Variants in C13orf42 observed in about 807,000 individuals in gnomAD.
C13orf42 encodes chromosome 13 open reading frame 42, also known as uncharacterized protein C13orf42.
chr13:51,123,112 G>A (rs1037130915), intron 1 of C13orf42, among the ~76,000 whole-genome samples: 5 of 152,098 alleles, frequency 3.3e-5, no homozygotes, highest in South Asian at 2.1e-4. Flanking sequence ...ATTAACCAAC[G>A]TACAAGGCAA....
intron 1 of C13orf42, among the ~76,000 whole-genome samples, chr13:51,140,445 G>T (rs1341082353): frequency 6.6e-6 from 1 of 152,068 alleles, no homozygotes; most frequent in South Asian, 2.1e-4. Flanking sequence ...GAATTTTCGG[G>T]GTTCATATTT....
At chr13:51,144,490 A>G (rs376973941) in intron 1 of C13orf42, among the ~76,000 whole-genome samples, 16 of 152,276 alleles carry the variant, frequency 1.1e-4, no homozygotes, top group Admixed American at 7.9e-4. Flanking sequence ...AATTATTTGC[A>G]TAAGTGCAAT....
In C13orf42 at chr13:51,136,391, G is replaced by C. The variant is rs572541950; in HGVS notation, n.137-23169C>G. On this transcript the variant is annotated intron_variant and non_coding_transcript_variant, in intron 1 of 4. Transcript: ENST00000433280. ...CAGAGAACCCCAGTGACTCTGACTC[G>C]TCTTTGTCAAGACAGAACCGTAAGG... Among the ~76,000 whole-genome samples, 114 of 152,272 alleles carry C rather than the reference G, an allele frequency of 7.5e-4. 1 individual carries two copies. The highest frequency in any genetic ancestry group is 1.1e-3 in the Non-Finnish European group (75 of 68,012).
chr13:51,111,569 G>T (rs1953434837), upstream of C13orf42, among the ~76,000 whole-genome samples: 2 of 152,208 alleles, frequency 1.3e-5, no homozygotes, highest in South Asian at 4.1e-4. Context: ...AGCTTTGCCT[G>T]CTCAGTTATT....
intron 1 of C13orf42, among the ~76,000 whole-genome samples, chr13:51,160,920 C>T (rs1402613590): frequency 7.4e-6 from 1 of 134,330 alleles, no homozygotes; most frequent in Non-Finnish European, 1.6e-5. Flanking sequence ...ATCCTGCCAG[C>T]ATAGTAAGAA....
intron 1 of C13orf42, among the ~76,000 whole-genome samples, chr13:51,149,303 G>A (rs1953761196): frequency 7.2e-6 from 1 of 139,524 alleles, no homozygotes. Context: ...GTGGCCAAAG[G>A]CTGAAATTGA....
intron 1 of C13orf42, among the ~76,000 whole-genome samples, chr13:51,135,462 G>A (rs1415005411): frequency 6.6e-6 from 1 of 151,982 alleles, no homozygotes; most frequent in Non-Finnish European, 1.5e-5. Context: ...ACCAGCCTGG[G>A]CAACACAGAG....
chr13:51,125,638 T>A (rs1203083738), intron 1 of C13orf42, among the ~76,000 whole-genome samples: 1 of 152,208 alleles, frequency 6.6e-6, no homozygotes, highest in Non-Finnish European at 1.5e-5. Flanking sequence ...CTCAGGTCAC[T>A]GTGGATGCCA....
upstream of C13orf42, among the ~76,000 whole-genome samples, chr13:51,112,452 T>C (rs542209887): frequency 3.3e-5 from 5 of 152,204 alleles, no homozygotes; most frequent in Non-Finnish European, 5.9e-5. Context: ...TTTAAATGTT[T>C]CTATCCTGCA....
intron 1 of C13orf42, among the ~76,000 whole-genome samples, chr13:51,126,164 C>T (rs1273026738): frequency 1.3e-5 from 2 of 152,222 alleles, no homozygotes; most frequent in Non-Finnish European, 2.9e-5. Context: ...GTTTAACATG[C>T]ATTGAGCACC....
At chr13:51,125,677 G>A (rs568627241) in intron 1 of C13orf42, among the ~76,000 whole-genome samples, 3 of 146,286 alleles carry the variant, frequency 2.1e-5, no homozygotes, top group Admixed American at 6.8e-5. Context: ...CAGTGTCTAC[G>A]AATCAACATC....
intron 1 of C13orf42, among the ~76,000 whole-genome samples, chr13:51,097,085 T>C (rs1051401568): frequency 3.9e-5 from 6 of 152,256 alleles, no homozygotes; most frequent in African/African-American, 1.2e-4. Flanking sequence ...GATCACTCTA[T>C]AGCAGTAAAT....
intron 1 of C13orf42, among the ~76,000 whole-genome samples, chr13:51,107,348 A>G (rs1175946045): frequency 6.6e-6 from 1 of 152,234 alleles, no homozygotes; most frequent in African/African-American, 2.4e-5. Context: ...AATGCTTTGG[A>G]AAACATCAGA....
At chr13:51,131,404 C>T (rs761168880) in intron 1 of C13orf42, among the ~76,000 whole-genome samples, 54 of 151,978 alleles carry the variant, frequency 3.6e-4, no homozygotes, top group Non-Finnish European at 6.3e-4. Flanking sequence ...CCAATAAAAG[C>T]CCCTTGGGAA....
chr13:51,156,891 T>A (rs1412468986), intron 1 of C13orf42, among the ~76,000 whole-genome samples: 1 of 152,226 alleles, frequency 6.6e-6, no homozygotes, highest in Admixed American at 6.5e-5. Flanking sequence ...TCCACGCAAT[T>A]GTTACCCAGT....
intron 1 of C13orf42, among the ~76,000 whole-genome samples, chr13:51,090,015 T>C (rs879293305): frequency 6.6e-6 from 1 of 151,872 alleles, no homozygotes; most frequent in Admixed American, 6.6e-5. Flanking sequence ...GGAGACGCTC[T>C]AGACTGGGTG....
chr13:51,086,304 T>TCAAAAAAAAAAACAAAAAAAAA lies in C13orf42; in HGVS notation c.563-767_563-746dup, dbSNP rs1389226366. Among the ~76,000 whole-genome samples the TCAAAAAAAAAAACAAAAAAAAA allele has an allele frequency of 5.5e-5, 6 of 108,508 alleles. No individual in the cohort carries two copies. The South Asian group carries it at 1.4e-3, about 24-fold the overall frequency. The allele number at this position is 108,508 out of a possible 152,430, so 71.2% of individuals were successfully genotyped here. On this transcript the variant is annotated intron_variant, in intron 2 of 3. Transcript: ENST00000563710. Reference sequence around the variant, plus strand: ...CTGGGCGATGGAGCGAGACTCCGTCTCAAAAAAAAAAACAAAAAAAAACAA... The same window carrying TCAAAAAAAAAAACAAAAAAAAA: ...CTGGGCGATGGAGCGAGACTCCGTCTCAAAAAAAAAAACAAAAAAAAACAAAAAAAAAAACAAAAAAAAACAA...
At chr13:51,152,139 G>A (rs1953782920) in intron 1 of C13orf42, among the ~76,000 whole-genome samples, 1 of 152,142 alleles carries the variant, frequency 6.6e-6, no homozygotes, top group Non-Finnish European at 1.5e-5. Flanking sequence ...TCCAGAAATT[G>A]TTTACATATG....
chr13:51,088,686 C>A (rs1173218821), intron 1 of C13orf42, among the ~76,000 whole-genome samples: 3 of 151,852 alleles, frequency 2.0e-5, no homozygotes, highest in African/African-American at 7.3e-5. Flanking sequence ...TATGTACCCA[C>A]AAAAATTAAA....
Sources: allele counts gnomAD v4.1 joint callset (sites outside exome capture counted in the v4.1 genomes callset), GRCh38; gene constraint gnomAD v4.1.1; transcripts MANE v1.5; gene names NCBI Gene and HGNC (gene_info 2026-07-23, HGNC 2026-07-21).